Variants in CLDN16 observed in about 807,000 individuals in gnomAD.
CLDN16 encodes claudin 16.
Under a neutral mutation model 24.6 loss-of-function variants are expected in CLDN16, and 13 were observed. The ratio of observed to expected loss-of-function variants is 0.53; its 90% CI spans 0.34 to 0.84. The LOEUF is 0.84. Among genes scored for constraint, CLDN16 ranks in the 40% least tolerant of loss-of-function variants. The probability of loss-of-function intolerance (pLI) is 0.01; values close to 1 mark genes in which losing one functional copy is unlikely to be tolerated. For missense variants in CLDN16, 298 were observed against 292.7 expected (o/e 1.02, Z -0.13); for synonymous variants, 116 against 106.7 (o/e 1.09, Z -0.54).
rs748675579 is a variant in CLDN16, at chr3:190,408,515, A to G, written c.574+10A>G. ...TTATATCTTTTTAAAGGTAAGAATA[A>G]AATAAAATAGCAAATTTCCTTGCCT... is the stretch of plus-strand genomic sequence containing the variant. On this transcript the variant is annotated intron_variant, in intron 4 of 4. Transcript: ENST00000264734. 6.2e-7 allele frequency: 1 copy of G among 1,612,640 alleles called. No homozygotes were observed. The highest frequency in any genetic ancestry group is 1.1e-5 in the South Asian group (1 of 90,978).
At chr3:190,395,745 T>C (rs1167191990) in intron 1 of CLDN16, among the ~76,000 whole-genome samples, 1 of 152,080 alleles carries the variant, frequency 6.6e-6, no homozygotes, top group Non-Finnish European at 1.5e-5. Flanking sequence ...TAATATATCT[T>C]AATAGCTTAT....
chr3:190,308,205 T>C, the CLDN16 span: 16 of 1,555,566 alleles, frequency 1.0e-5, no homozygotes, highest in Non-Finnish European at 1.2e-5. Flanking sequence ...TCTAAGGTCC[T>C]AATGTTAATG....
At chr3:190,344,291 T>C (rs1174496452) in intron 1 of CLDN16, among the ~76,000 whole-genome samples, 1 of 152,002 alleles carries the variant, frequency 6.6e-6, no homozygotes, top group Non-Finnish European at 1.5e-5. Flanking sequence ...AGAAAAGCCA[T>C]ATGTGGATTT....
upstream of CLDN16, among the ~76,000 whole-genome samples, chr3:190,321,401 T>C (rs948448284): frequency 6.6e-6 from 1 of 152,174 alleles, no homozygotes; most frequent in African/African-American, 2.4e-5. Flanking sequence ...GGGGCCTCCC[T>C]GCACTAACTG....
intron 1 of CLDN16, among the ~76,000 whole-genome samples, chr3:190,389,102 T>A (rs1718584226): frequency 6.6e-6 from 1 of 152,190 alleles, no homozygotes; most frequent in Non-Finnish European, 1.5e-5. Context: ...GTGAGTGGGT[T>A]CACATTTGAG....
intron 3 of CLDN16, among the ~76,000 whole-genome samples, chr3:190,382,061 A>G (rs1718382483): frequency 6.6e-6 from 1 of 152,084 alleles, no homozygotes; most frequent in African/African-American, 2.4e-5. Flanking sequence ...ATTAAGCCCA[A>G]TTCAGACAGA....
intron 1 of CLDN16, among the ~76,000 whole-genome samples, chr3:190,351,848 C>A (rs983819674): frequency 9.9e-5 from 15 of 152,054 alleles, no homozygotes; most frequent in African/African-American, 3.1e-4. Context: ...GTAATATTGA[C>A]TATAGGGCCA....
At chr3:190,294,128 G>A in the CLDN16 span, among the ~76,000 whole-genome samples, 1 of 152,106 alleles carries the variant, frequency 6.6e-6, no homozygotes, top group African/African-American at 2.4e-5. Context: ...CCTAATCTGG[G>A]GGATTTTTCA....
intron 2 of CLDN16, among the ~76,000 whole-genome samples, chr3:190,374,362 T>C (rs980237031): frequency 1.3e-5 from 2 of 150,964 alleles, no homozygotes; most frequent in African/African-American, 4.9e-5. Context: ...CAGGGCCAAA[T>C]GTGTAAGTTA....
chr3:190,312,640 A>G, the CLDN16 span, among the ~76,000 whole-genome samples: 1 of 151,204 alleles, frequency 6.6e-6, no homozygotes, highest in South Asian at 2.1e-4. Flanking sequence ...GACTGGTTCT[A>G]ACAAACCAGT....
At position 190,408,470 on chromosome 3, in the gene CLDN16, G is replaced by C. The variant is rs139251569; in HGVS notation, c.539G>C (p.Gly180Ala). ...GGGTCTCTGGGTTGCTTTTTGGCTG[G>C]AGCTGTTCTCACCTGCTGCTTATAT... is the stretch of plus-strand genomic sequence containing the variant. ...MAGSLGCFLA[G>A]AVLTCCLYLF... Residue 180 changes from glycine (G) to alanine (A), a missense_variant, in exon 4 of 5, where the codon GGA (glycine) becomes GCA (alanine). Coordinates refer to ENST00000264734, the MANE Select transcript of CLDN16 (RefSeq NM_006580.4). The C allele has an allele frequency of 1.2e-5, 19 of 1,613,920 alleles. No homozygotes were observed. The highest frequency in any genetic ancestry group is 1.7e-5 in the Admixed American group (1 of 59,976).
At chr3:190,384,027 T>G (rs1464875858), upstream of CLDN16, among the ~76,000 whole-genome samples, 1 of 152,194 alleles carries the variant, frequency 6.6e-6, no homozygotes, top group African/African-American at 2.4e-5. Context: ...AAATGTTAAC[T>G]AGCTTGCTCA....
intron 2 of CLDN16, 106 bp from the exon 3 acceptor site, chr3:190,404,656 G>T (rs373992227): frequency 8.7e-6 from 9 of 1,037,962 alleles, no homozygotes. Flanking sequence ...TTTACCGGAG[G>T]GGTGTGTTAA....
intron 1 of CLDN16, among the ~76,000 whole-genome samples, chr3:190,350,112 A>T (rs543487950): frequency 6.6e-6 from 1 of 151,482 alleles, no homozygotes; most frequent in East Asian, 2.0e-4. Flanking sequence ...GCATTTAACC[A>T]TCTCCCTCCC....
chr3:190,365,837 A>G (rs577365886), intron 1 of CLDN16, among the ~76,000 whole-genome samples: 3 of 151,770 alleles, frequency 2.0e-5, no homozygotes, highest in East Asian at 2.0e-4. Flanking sequence ...TCAGCCAGGT[A>G]TGGTGTGACT....
At chr3:190,363,554 GTGTATATATATATA>G (rs1463871627) in intron 1 of CLDN16, among the ~76,000 whole-genome samples, 2,691 of 81,374 alleles carry the variant, frequency 0.033, 308 homozygotes, top group African/African-American at 0.11. Flanking sequence ...GTGTGTGTGT[GTGTATATATATATA>G]TATATATATA....
intron 1 of CLDN16, among the ~76,000 whole-genome samples, chr3:190,362,542 G>A (rs565903987): frequency 2.5e-4 from 38 of 152,046 alleles, no homozygotes; most frequent in African/African-American, 9.2e-4. Flanking sequence ...CCAGTATCCC[G>A]CAGAGCTGGC....
chr3:190,358,945 A>G (rs1256213812), intron 1 of CLDN16, among the ~76,000 whole-genome samples: 1 of 152,022 alleles, frequency 6.6e-6, no homozygotes, highest in African/African-American at 2.4e-5. Flanking sequence ...ATAGTTCAGG[A>G]CATTACTGAA....
the CLDN16 span, among the ~76,000 whole-genome samples, chr3:190,290,483 G>A: frequency 6.6e-5 from 10 of 152,184 alleles, no homozygotes; most frequent in East Asian, 1.9e-3. Context: ...TTCAGTCCTA[G>A]GTGGAAGACA....
Sources: gnomAD v4.1 joint callset for allele counts (sites outside exome capture counted in the v4.1 genomes callset) on GRCh38, gnomAD v4.1.1 for gene constraint, MANE v1.5 for transcripts, NCBI Gene and HGNC (gene_info 2026-07-23, HGNC 2026-07-21) for gene names.